Variants in FAR2 observed in about 807,000 individuals in gnomAD.
The protein encoded by FAR2 is epididymis secretory protein Li 81.
FAR2 carries 19 observed loss-of-function variants against 56.0 expected under a neutral mutation model. That is an observed-to-expected ratio of 0.34 (90% CI 0.24 to 0.50). The LOEUF (loss-of-function observed/expected upper bound fraction) is 0.50. Ranked by LOEUF, FAR2 falls within the 20% of genes least tolerant of loss-of-function variation. The probability of loss-of-function intolerance (pLI) is 0.98; values close to 1 mark genes in which losing one functional copy is unlikely to be tolerated. For synonymous variants in FAR2, 219 were observed against 218.8 expected, an observed-to-expected ratio of 1.00 and a Z score of -0.01; for missense variants, 508 against 642.2, an observed-to-expected ratio of 0.79 and a Z score of 2.26.
chr12:29,272,944 T>G (rs1274323012), intron 2 of FAR2, among the ~76,000 whole-genome samples: 1 of 152,094 alleles, frequency 6.6e-6, no homozygotes, highest in Non-Finnish European at 1.5e-5. Flanking sequence ...CAGGCCTTAT[T>G]CATCTGATTT....
chr12:29,267,867 G>A (rs1381498425), intron 1 of FAR2, among the ~76,000 whole-genome samples: 1 of 152,156 alleles, frequency 6.6e-6, no homozygotes, highest in East Asian at 1.9e-4. Flanking sequence ...TTACTTCATA[G>A]CATGTGCAGC....
intron 8 of FAR2, among the ~76,000 whole-genome samples, chr12:29,314,736 C>T (rs11050181): frequency 0.31 from 46,883 of 151,740 alleles, 7,335 homozygotes; most frequent in East Asian, 0.35. Flanking sequence ...ACTGTCCACA[C>T]CTCCCACCAA....
chr12:29,200,873 T>C (rs1039794614), intron 1 of FAR2, among the ~76,000 whole-genome samples: 3 of 152,210 alleles, frequency 2.0e-5, no homozygotes, highest in African/African-American at 7.2e-5. Context: ...AATGTGAGTC[T>C]GACTAGCTGA....
At chr12:29,167,942 A>T (rs1949845677) in intron 1 of FAR2, among the ~76,000 whole-genome samples, 1 of 152,226 alleles carries the variant, frequency 6.6e-6, no homozygotes, top group Non-Finnish European at 1.5e-5. Flanking sequence ...TGGGAAAAAA[A>T]TTCCTCATTA....
At chr12:29,164,996 A>G (rs1949812802) in intron 1 of FAR2, among the ~76,000 whole-genome samples, 1 of 152,056 alleles carries the variant, frequency 6.6e-6, no homozygotes, top group Non-Finnish European at 1.5e-5. Flanking sequence ...GGTTTATAAT[A>G]TATGTTCCAG....
intron 1 of FAR2, among the ~76,000 whole-genome samples, chr12:29,178,615 A>AT (rs1269656527): frequency 7.3e-5 from 11 of 151,202 alleles, no homozygotes; most frequent in South Asian, 4.2e-4. Flanking sequence ...TCTTGTCTCA[A>AT]TTTTTTTTTC....
intron 3 of FAR2, among the ~76,000 whole-genome samples, chr12:29,295,492 C>T (rs77758751): frequency 0.023 from 3,470 of 152,184 alleles, 119 homozygotes; most frequent in African/African-American, 0.078. Flanking sequence ...AATTACCTTG[C>T]ATATGTAGAA....
chr12:29,215,568 AAATC>A (rs1475773227), intron 1 of FAR2, among the ~76,000 whole-genome samples: 4 of 152,210 alleles, frequency 2.6e-5, no homozygotes, highest in Non-Finnish European at 5.9e-5. Flanking sequence ...TGTTAGGAAA[AAATC>A]AAATCTGTTA....
chr12:29,173,413 G>A (rs117078740), intron 1 of FAR2, among the ~76,000 whole-genome samples: 3,282 of 152,264 alleles, frequency 0.022, 57 homozygotes, highest in Middle Eastern at 0.062. Context: ...CTAGTGGGAT[G>A]TAAATTGCAA....
chr12:29,311,857 T>C, intron 7 of FAR2, 26 bp from the exon 8 acceptor site: 1 of 1,487,650 alleles, frequency 6.7e-7, no homozygotes, highest in Non-Finnish European at 9.3e-7. Flanking sequence ...TTGTTGTACT[T>C]ATCTAATTTT....
At chr12:29,216,087 C>T (rs994233409) in intron 1 of FAR2, among the ~76,000 whole-genome samples, 1 of 152,160 alleles carries the variant, frequency 6.6e-6, no homozygotes, top group Non-Finnish European at 1.5e-5. Flanking sequence ...AGATATTACC[C>T]AGATCTTCAG....
intron 1 of FAR2, among the ~76,000 whole-genome samples, chr12:29,249,820 T>C (rs1016207251): frequency 1.3e-5 from 2 of 152,214 alleles, no homozygotes; most frequent in Non-Finnish European, 2.9e-5. Flanking sequence ...TATTCTAAGG[T>C]ACAAGACATG....
At chr12:29,272,722 T>C (rs1948639003) in intron 2 of FAR2, among the ~76,000 whole-genome samples, 1 of 152,078 alleles carries the variant, frequency 6.6e-6, no homozygotes, top group African/African-American at 2.4e-5. Context: ...CTCTGGCCTT[T>C]TGGGTTTTTG....
At chr12:29,220,889 T>C (rs2136638898) in intron 1 of FAR2, among the ~76,000 whole-genome samples, 1 of 152,270 alleles carries the variant, frequency 6.6e-6, no homozygotes, top group South Asian at 2.1e-4. Context: ...GTGCATGGTT[T>C]GACCTTCGAC....
chr12:29,237,054 G>C (rs903737099), intron 1 of FAR2, among the ~76,000 whole-genome samples: 1 of 152,066 alleles, frequency 6.6e-6, no homozygotes, highest in Non-Finnish European at 1.5e-5. Flanking sequence ...AGACTTCCAA[G>C]CTTATAAACA....
At chr12:29,270,304 A>AT (rs991995939) in intron 1 of FAR2, 108 bp from the exon 2 acceptor site, 7 of 780,122 alleles carry the variant, frequency 9.0e-6, no homozygotes, top group African/African-American at 1.8e-5. Flanking sequence ...TGTCTGACCT[A>AT]TTTTTTTCTG....
intron 1 of FAR2, among the ~76,000 whole-genome samples, chr12:29,229,984 C>G (rs967263362): frequency 1.2e-4 from 18 of 151,996 alleles, no homozygotes; most frequent in African/African-American, 4.1e-4. Context: ...AGGCACTGTG[C>G]TGGTGCTGAG....
At chr12:29,257,631 C>G (rs1458185082) in intron 1 of FAR2, among the ~76,000 whole-genome samples, 1 of 152,122 alleles carries the variant, frequency 6.6e-6, no homozygotes, top group Non-Finnish European at 1.5e-5. Context: ...GCCAGCGAGA[C>G]CACGAGCCCA....
Position 29,250,235 on chromosome 12 carries a change from C to G in FAR2, c.-38-20177C>G, listed in dbSNP as rs1326546795. Among the ~76,000 whole-genome samples, 41 of 152,130 alleles carry G rather than the reference C, an allele frequency of 2.7e-4. 1 individual carries two copies. The highest frequency in any genetic ancestry group is 2.6e-3 in the Admixed American group (40 of 15,270). On this transcript the variant is annotated intron_variant, in intron 1 of 11. Coordinates refer to ENST00000536681, the MANE Select transcript of FAR2 (RefSeq NM_001271783.2). ...CTATGTATGTATTAATACATAACCA[C>G]TAGGTAGTTAGATCCAGGAGCAAAA...
Sources: allele counts gnomAD v4.1 joint callset (sites outside exome capture counted in the v4.1 genomes callset), GRCh38; gene constraint gnomAD v4.1.1; transcripts MANE v1.5; gene names NCBI Gene and HGNC (gene_info 2026-07-23, HGNC 2026-07-21).